SLC38A6: variants seen among roughly 807,000 people sequenced by gnomAD.
SLC38A6 encodes solute carrier family 38 member 6, also known as N system amino acid transporter NAT-1.
A neutral mutation model predicts 65.0 loss-of-function variants in SLC38A6; 73 were observed. That is an observed-to-expected ratio of 1.12 (90% CI 0.93 to 1.37). The LOEUF is 1.37. Among genes scored for constraint, SLC38A6 ranks in the 40% most tolerant of loss-of-function variants. The pLI, the probability that SLC38A6 is intolerant of heterozygous loss-of-function variation, is 0.00. For synonymous variants in SLC38A6, 183 were observed against 178.8 expected, an observed-to-expected ratio of 1.02 and a Z score of -0.19; for missense variants, 561 against 531.1, an observed-to-expected ratio of 1.06 and a Z score of -0.55.
rs545763613 is a variant in SLC38A6, at chr14:61,024,219, A to T, written c.403+4639A>T. Among the ~76,000 whole-genome samples, 7 of 152,278 alleles carry T rather than the reference A, an allele frequency of 4.6e-5. No homozygotes were observed. The East Asian group carries it at 1.4e-3, about 29-fold the overall frequency. ...AAAATCTACTGTCTGTAAATCTCTA[A>T]ATTTTATAATGGAAAAAAATGCAAC... On this transcript the variant is annotated intron_variant, in intron 5 of 15. Transcript: ENST00000267488.
At chr14:61,001,686 T>C (rs1474104271) in intron 3 of SLC38A6, among the ~76,000 whole-genome samples, 1 of 152,186 alleles carries the variant, frequency 6.6e-6, no homozygotes. Flanking sequence ...TGGTTATCTA[T>C]TGATTTAAGA....
At chr14:61,076,170 A>G (rs992943148) in intron 15 of SLC38A6, among the ~76,000 whole-genome samples, 2 of 152,068 alleles carry the variant, frequency 1.3e-5, no homozygotes, top group Non-Finnish European at 2.9e-5. Context: ...CTCAACTTCT[A>G]CTTAGATGGT....
Position 61,051,865 on chromosome 14 carries a change from C to T in SLC38A6, c.1129C>T (p.Leu377Phe), listed in dbSNP as rs1419672066. 4 of 1,612,354 alleles carry T rather than the reference C, an allele frequency of 2.5e-6. No homozygotes were observed. Among genetic ancestry groups the T allele is most frequent in the Non-Finnish European group, 2.5e-6 (3 of 1,179,262 alleles). ...TCGCCATTTTTTGATCACTCTAGCA[C>T]TCAATATTATCATCGTTTTACTTGC... ...WIRHFLITLA[L>F]NIIIVLLAIY... The change falls in exon 14 of 16, where the codon CTC becomes TTC. Residue 377 changes from leucine (L) to phenylalanine (F), a missense_variant. Coordinates refer to ENST00000267488, the MANE Select transcript of SLC38A6 (RefSeq NM_153811.3).
chr14:61,015,175 C>G (rs1264236981), intron 3 of SLC38A6, among the ~76,000 whole-genome samples: 1 of 152,222 alleles, frequency 6.6e-6, no homozygotes, highest in Non-Finnish European at 1.5e-5. Flanking sequence ...ATAGGACCCT[C>G]CGAGCCAGGT....
rs1210938810 is a variant in SLC38A6, at chr14:60,981,312, G to A, written c.35G>A (p.Arg12Gln). Reference protein sequence around the residue: ...EASWGSFNAERGWYVSVQQPE... With the variant: ...EASWGSFNAEQGWYVSVQQPE... The stretch of plus-strand genomic sequence containing the variant: ...TCCTGGGGGAGCTTCAACGCTGAGC[G>A]GGGCTGGTATGTCTCTGTCCAGCAG... Residue 12 changes from arginine to glutamine, a missense_variant, in exon 1 of 16, where the codon CGG (arginine) becomes CAG (glutamine). Physicochemically the swap from Arg to Gln is conservative, Grantham distance 43. Coordinates refer to ENST00000267488, the MANE Select transcript of SLC38A6 (RefSeq NM_153811.3). 17 of 1,610,410 alleles carry A rather than the reference G, an allele frequency of 1.1e-5. No individual in the cohort carries two copies. The highest frequency in any genetic ancestry group is 1.4e-5 in the Non-Finnish European group (16 of 1,178,646).
At chr14:61,030,039 A>G (rs1233709780) in intron 5 of SLC38A6, among the ~76,000 whole-genome samples, 4 of 152,168 alleles carry the variant, frequency 2.6e-5, no homozygotes, top group Non-Finnish European at 2.9e-5. Context: ...AGCCATACCT[A>G]TTAAACTTCT....
At chr14:61,009,908 G>T (rs1361215543) in intron 3 of SLC38A6, among the ~76,000 whole-genome samples, 2 of 152,172 alleles carry the variant, frequency 1.3e-5, no homozygotes, top group Admixed American at 6.5e-5. Context: ...GTAATGGGAT[G>T]GCTGGGTCAA....
In SLC38A6 at chr14:61,043,036, A is replaced by G. The variant is rs149677754; in HGVS notation, c.625-111A>G. The G allele has an allele frequency of 3.2e-5, 21 of 665,006 alleles. No individual in the cohort carries two copies. The Admixed American group carries it at 7.1e-4, about 23-fold the overall frequency. 41.2% of individuals were successfully genotyped at this position (665,006 alleles called of 1,614,324 possible). ...ACCGGGAAAAGTCACAGAAGCAGAG[A>G]CTCTTCTATTAGCATCTTATTTAAT... On this transcript the variant is annotated intron_variant, in intron 8 of 15. Transcript: ENST00000267488.
chr14:61,049,668 G>T (rs566705789), intron 12 of SLC38A6, among the ~76,000 whole-genome samples: 1 of 152,218 alleles, frequency 6.6e-6, no homozygotes, highest in East Asian at 1.9e-4. Flanking sequence ...AGTTCCCTGA[G>T]AACAGAGGTA....
At chr14:61,082,249 G>GA (rs1375377231) in intron 16 of SLC38A6, among the ~76,000 whole-genome samples, 1 of 152,186 alleles carries the variant, frequency 6.6e-6, no homozygotes, top group Non-Finnish European at 1.5e-5. Flanking sequence ...TCATACGGCT[G>GA]AAATCGTAAA....
intron 10 of SLC38A6, 67 bp downstream of exon 10, chr14:61,043,570 A>G (rs2041943156): frequency 8.3e-7 from 1 of 1,197,636 alleles, no homozygotes; most frequent in Non-Finnish European, 1.2e-6. Flanking sequence ...AGGTTTGTGT[A>G]ACAGGGTCTC....
At chr14:61,011,052 A>G (rs1273525243) in intron 3 of SLC38A6, among the ~76,000 whole-genome samples, 2 of 151,936 alleles carry the variant, frequency 1.3e-5, no homozygotes, top group Non-Finnish European at 2.9e-5. Flanking sequence ...ATCTTCTTTT[A>G]TTTCATTGAG....
At chr14:61,029,769 C>T (rs1284493936) in intron 5 of SLC38A6, among the ~76,000 whole-genome samples, 2 of 152,084 alleles carry the variant, frequency 1.3e-5, no homozygotes, top group Non-Finnish European at 2.9e-5. Context: ...TAGATGAACC[C>T]TGTTAATAAA....
At chr14:61,006,461 T>TATCTA (rs1487914740) in intron 3 of SLC38A6, among the ~76,000 whole-genome samples, 9 of 151,966 alleles carry the variant, frequency 5.9e-5, no homozygotes, top group Non-Finnish European at 1.0e-4. Context: ...GAATCTACAA[T>TATCTA]GAACTCAAAC....
intron 3 of SLC38A6, among the ~76,000 whole-genome samples, chr14:60,994,878 C>T (rs1223658751): frequency 6.6e-6 from 1 of 151,378 alleles, no homozygotes; most frequent in African/African-American, 2.4e-5. Context: ...GTGACACACA[C>T]CTGTAATCCC....
intron 10 of SLC38A6, among the ~76,000 whole-genome samples, chr14:61,044,138 A>G (rs1485129308): frequency 1.3e-5 from 2 of 152,124 alleles, no homozygotes; most frequent in Admixed American, 6.5e-5. Flanking sequence ...GAAGAGCTCA[A>G]AGTCTTCCCT....
intron 15 of SLC38A6, among the ~76,000 whole-genome samples, chr14:61,062,939 A>G (rs1027227095): frequency 1.3e-5 from 2 of 152,200 alleles, no homozygotes; most frequent in Admixed American, 1.3e-4. Flanking sequence ...TCAGCCTCCC[A>G]AAGTGCTGAG....
At chr14:61,055,039 A>G (rs1473609622), downstream of SLC38A6, among the ~76,000 whole-genome samples, 3 of 149,352 alleles carry the variant, frequency 2.0e-5, no homozygotes, top group Non-Finnish European at 4.4e-5. Context: ...TGTTCCTACA[A>G]TACCTAGTTT....
chr14:60,991,642 C>T (rs971647062), intron 3 of SLC38A6, among the ~76,000 whole-genome samples: 2 of 152,186 alleles, frequency 1.3e-5, no homozygotes, highest in Admixed American at 6.5e-5. Context: ...TTTCTTCCCC[C>T]AGTTTCCCAC....
Sources: allele counts gnomAD v4.1 joint callset (sites outside exome capture counted in the v4.1 genomes callset), GRCh38; gene constraint gnomAD v4.1.1; transcripts MANE v1.5; gene names NCBI Gene and HGNC (gene_info 2026-07-23, HGNC 2026-07-21).